The following ATP12A variants were observed in gnomAD, a reference collection of about 807,000 sequenced individuals.
ATP12A encodes potassium-transporting ATPase alpha chain 2.
A neutral mutation model predicts 111.2 loss-of-function variants in ATP12A; 81 were observed. The observed-to-expected ratio is 0.73, with a 90% confidence interval of 0.61 to 0.88. The LOEUF (loss-of-function observed/expected upper bound fraction) is 0.88, where lower values mean the gene tolerates loss of function less well. Ranked by LOEUF, ATP12A falls within the 40% of genes least tolerant of loss-of-function variation. The pLI, the probability that ATP12A is intolerant of heterozygous loss-of-function variation, is 0.00. For missense variants in ATP12A, 1,196 were observed against 1,313.1 expected (o/e 0.91, Z 1.38); for synonymous variants, 498 against 499.8 (o/e 1.00, Z 0.05).
chr13:24,692,367 GT>G (rs1036775613), intron 8 of ATP12A, 61 bp from the exon 9 acceptor site: 1 of 1,530,106 alleles, frequency 6.5e-7, no homozygotes, highest in Non-Finnish European at 9.0e-7. Context: ...GGCTATTTCT[GT>G]ATTATTGGAC....
At chr13:24,695,855 C>T (rs1048003265) in intron 11 of ATP12A, among the ~76,000 whole-genome samples, 24 of 152,078 alleles carry the variant, frequency 1.6e-4, no homozygotes, top group African/African-American at 4.3e-4. Flanking sequence ...GTGATCTATC[C>T]GCCTTGGCCT....
At position 24,710,849 on chromosome 13, in the gene ATP12A, C is replaced by T; in HGVS notation, c.2955C>T (p.Ser985=). 1 of 1,614,214 alleles carries T rather than the reference C, an allele frequency of 6.2e-7. No individual in the cohort carries two copies. Among genetic ancestry groups the T allele is most frequent in the Non-Finnish European group, 8.5e-7 (1 of 1,180,034 alleles). The change falls in exon 21 of 23, where the codon TCC becomes TCT. Residue 985 remains serine (S), a synonymous_variant. Coordinates refer to ENST00000381946, the MANE Select transcript of ATP12A (RefSeq NM_001676.7). The part of the protein sequence containing the change: ...TSQIIIGLIL[S]YGLGSVTALS... The stretch of plus-strand genomic sequence containing the variant: ...AGATCATCATTGGTCTGATCCTCTC[C>T]TATGGCCTCGGAAGTGTCACAGCCT...
intron 14 of ATP12A, 152 bp downstream of exon 14, chr13:24,702,223 A>G (rs1566075944): frequency 2.9e-6 from 3 of 1,021,596 alleles, no homozygotes; most frequent in Non-Finnish European, 4.3e-6. Context: ...CCATGTATTC[A>G]CTCTAATTTC....
Position 24,712,308 on chromosome 13 carries a change from A to G in ATP12A, c.*786A>G, listed in dbSNP as rs897878297. The G allele has an allele frequency of 6.6e-6, 1 of 152,242 alleles. No individual in the cohort carries two copies. The highest frequency in any genetic ancestry group is 1.5e-5 in the Non-Finnish European group (1 of 68,056). 9.4% of individuals were successfully genotyped at this position (152,242 alleles called of 1,614,324 possible). On this transcript the variant is annotated 3_prime_UTR_variant, in exon 23 of 23. Coordinates refer to ENST00000381946, the MANE Select transcript of ATP12A (RefSeq NM_001676.7). Reference sequence around the variant, plus strand: ...CTAGTAGAGAGCTGTTATGGTTTCAATAGTCATATTTATTTCTTGTAAAAC... The same window carrying G: ...CTAGTAGAGAGCTGTTATGGTTTCAGTAGTCATATTTATTTCTTGTAAAAC...
Position 24,707,514 on chromosome 13 carries a change from G to A in ATP12A, c.2493+81G>A, listed in dbSNP as rs1875728090. 3 of 1,562,098 alleles carry A rather than the reference G, an allele frequency of 1.9e-6. No homozygotes were observed. In the African/African-American group the frequency reaches 4.1e-5, roughly 21 times the overall value. On this transcript the variant is annotated intron_variant, in intron 17 of 22. Transcript: ENST00000381946. ...CAGGGTCGCTACCTTCAAGGGCCGGGGATGGACTAACTCAAGGCTTCTCAG... is the reference window on the plus strand; with the variant it reads ...CAGGGTCGCTACCTTCAAGGGCCGGAGATGGACTAACTCAAGGCTTCTCAG...
At chr13:24,697,658 AT>A (rs1270849951) in intron 11 of ATP12A, among the ~76,000 whole-genome samples, 1 of 143,130 alleles carries the variant, frequency 7.0e-6, no homozygotes, top group Non-Finnish European at 1.5e-5. Flanking sequence ...AAAAAAAAAA[AT>A]TTAAGAGAGA....
intron 1 of ATP12A, among the ~76,000 whole-genome samples, chr13:24,680,954 CG>C (rs956244414): frequency 2.0e-5 from 3 of 152,222 alleles, no homozygotes; most frequent in African/African-American, 7.2e-5. Flanking sequence ...GTGCGGCCGC[CG>C]GGGCTGGCTG....
Position 24,691,091 on chromosome 13 carries a change from C to G in ATP12A, c.909C>G (p.Ile303Met), listed in dbSNP as rs369548512. Residue 303 changes from isoleucine to methionine, a missense_variant, in exon 8 of 23, where the codon ATC becomes ATG. Physicochemically the swap from Ile to Met is conservative, Grantham distance 10. Transcript: ENST00000381946. The stretch of plus-strand genomic sequence containing the variant: ...AGAAGACGCCCATTGCCATTGAGAT[C>G]GAGCACTTTGTTCACATTGTGGCAG... ...GNEKTPIAIE[I>M]EHFVHIVAGV... 6.2e-7 allele frequency: 1 copy of G among 1,614,252 alleles called. No homozygotes were observed. Among genetic ancestry groups the G allele is most frequent in the African/African-American group, 1.3e-5 (1 of 75,064 alleles).
chr13:24,693,932 T>G (rs990272653), intron 10 of ATP12A, among the ~76,000 whole-genome samples: 1 of 152,238 alleles, frequency 6.6e-6, no homozygotes, highest in African/African-American at 2.4e-5. Flanking sequence ...CTTTCTCGAA[T>G]GCCACTAATT....
intron 4 of ATP12A, among the ~76,000 whole-genome samples, chr13:24,688,831 A>T (rs918660518): frequency 2.0e-5 from 3 of 152,218 alleles, no homozygotes; most frequent in African/African-American, 7.2e-5. Flanking sequence ...CTGCCGAGAC[A>T]TGAGTACCAA....
At chr13:24,701,840 C>G in intron 13 of ATP12A, 95 bp from the exon 14 acceptor site, 1 of 1,518,056 alleles carries the variant, frequency 6.6e-7, no homozygotes. Context: ...CCACGTTCTC[C>G]CAGGGCACTA....
At chr13:24,688,805 C>G (rs771506639) in intron 4 of ATP12A, among the ~76,000 whole-genome samples, 1 of 152,170 alleles carries the variant, frequency 6.6e-6, no homozygotes, top group South Asian at 2.1e-4. Flanking sequence ...TCCTTTAACA[C>G]GGAGAGCAGC....
chr13:24,686,671 G>T (rs1159047555), intron 3 of ATP12A, among the ~76,000 whole-genome samples: 1 of 151,518 alleles, frequency 6.6e-6, no homozygotes, highest in Non-Finnish European at 1.5e-5. Flanking sequence ...CCTGGGAGGC[G>T]GAGCTTGCAG....
chr13:24,681,444 G>C, intron 1 of ATP12A, 118 bp from the exon 2 acceptor site: 1 of 1,252,788 alleles, frequency 8.0e-7, no homozygotes, highest in Admixed American at 2.4e-5. Flanking sequence ...CCCAGAGGAG[G>C]GAAGGAAAGG....
intron 14 of ATP12A, among the ~76,000 whole-genome samples, chr13:24,705,206 G>T (rs752882869): frequency 1.3e-5 from 2 of 152,198 alleles, no homozygotes; most frequent in Non-Finnish European, 2.9e-5. Context: ...TGTTAGCCAC[G>T]AGAAGCTGAG....
intron 5 of ATP12A, 51 bp downstream of exon 5, chr13:24,689,426 A>T: frequency 2.7e-6 from 4 of 1,509,408 alleles, no homozygotes; most frequent in Non-Finnish European, 2.8e-6. Flanking sequence ...CAGGTGAGGA[A>T]GCCTCAGCTG....
In ATP12A at chr13:24,681,232, T is replaced by C. The variant is rs565654770; in HGVS notation, c.10-330T>C. 2.4e-3 allele frequency among the ~76,000 whole-genome samples: 368 copies of C among 151,848 alleles called. 3 individuals carry two copies. The highest frequency in any genetic ancestry group is 4.4e-3 in the Admixed American group (67 of 15,284). On this transcript the variant is annotated intron_variant, in intron 1 of 22. Coordinates refer to ENST00000381946, the MANE Select transcript of ATP12A (RefSeq NM_001676.7). ...AGGTGCCTAAGGAACCTCGAGGTTC[T>C]AAGGAAACCTCACAGCTCCTTGGAG...
Position 24,687,605 on chromosome 13 carries a change from T to C in ATP12A, c.229-714T>C, listed in dbSNP as rs138926295. Among the ~76,000 whole-genome samples the C allele has an allele frequency of 8.4e-3, 1,287 of 152,310 alleles. 23 individuals are homozygous for C. Among genetic ancestry groups the C allele is most frequent in the African/African-American group, 0.027 (1,132 of 41,562 alleles). The stretch of plus-strand genomic sequence containing the variant: ...ACATGTAGGGTTTCAAAGGTGAGGG[T>C]GCCTCACGGATGGCAGGCCCCCCAG... On this transcript the variant is annotated intron_variant, in intron 3 of 22. Transcript: ENST00000381946.
chr13:24,697,828 T>C (rs1875231875), intron 11 of ATP12A, among the ~76,000 whole-genome samples: 1 of 151,958 alleles, frequency 6.6e-6, no homozygotes, highest in Non-Finnish European at 1.5e-5. Context: ...ATTTGCCCTA[T>C]ACTTCTTTTT....
Sources: allele counts gnomAD v4.1 joint callset (sites outside exome capture counted in the v4.1 genomes callset), GRCh38; gene constraint gnomAD v4.1.1; transcripts MANE v1.5; gene names NCBI Gene and HGNC (gene_info 2026-07-23, HGNC 2026-07-21).